The following IKZF1 variants were observed in gnomAD, a reference collection of about 807,000 sequenced individuals.
IKZF1 encodes DNA-binding protein Ikaros.
Under a neutral mutation model 51.7 loss-of-function variants are expected in IKZF1, and 10 were observed. That is an observed-to-expected ratio of 0.19 (90% CI 0.12 to 0.33). The LOEUF (loss-of-function observed/expected upper bound fraction) is 0.33. Ranked by LOEUF, IKZF1 falls within the 10% of genes least tolerant of loss-of-function variation. The pLI is 1.00. For missense variants in IKZF1, 484 were observed against 707.5 expected (o/e 0.68, Z 3.58); for synonymous variants, 280 against 282.3 (o/e 0.99, Z 0.08).
chr7:50,377,659 C>T (rs112620089), intron 4 of IKZF1, among the ~76,000 whole-genome samples: 9 of 152,356 alleles, frequency 5.9e-5, no homozygotes, highest in African/African-American at 2.2e-4. Context: ...AACCACCACT[C>T]ATGGTGCTGG....
At chr7:50,369,479 C>G (rs1807999063) in intron 3 of IKZF1, 1 of 398,492 alleles carries the variant, frequency 2.5e-6, no homozygotes, top group South Asian at 1.3e-4. Flanking sequence ...GCAAATGTGT[C>G]CATAAGGTAT....
chr7:50,346,275 C>T (rs147751374), intron 3 of IKZF1, among the ~76,000 whole-genome samples: 1 of 152,304 alleles, frequency 6.6e-6, no homozygotes, highest in East Asian at 1.9e-4. Flanking sequence ...TCCTAAGCAT[C>T]CTTAACAGGT....
chr7:50,311,541 A>G (rs1237137585), intron 1 of IKZF1, among the ~76,000 whole-genome samples: 7 of 152,240 alleles, frequency 4.6e-5, no homozygotes, highest in Admixed American at 4.6e-4. Flanking sequence ...GTTCTTGTGA[A>G]GATCTAAATA....
chr7:50,354,173 G>A (rs1802616616), intron 3 of IKZF1, among the ~76,000 whole-genome samples: 1 of 152,318 alleles, frequency 6.6e-6, no homozygotes, highest in East Asian at 1.9e-4. Context: ...TGCAGCCTAG[G>A]CACCCTCCAC....
chr7:50,380,407 C>T (rs555270460), intron 4 of IKZF1, among the ~76,000 whole-genome samples: 169 of 152,320 alleles, frequency 1.1e-3, no homozygotes, highest in Middle Eastern at 3.4e-3. Context: ...TTTCTGTCTG[C>T]GATGGGCAGA....
rs1804565184 is a variant in IKZF1, at chr7:50,359,465, G to A, written c.161-17068G>A. ...GGGAATGTGCGCAGAGTGAGGAGGA[G>A]CTGATCTGACATTCCGAACAGTGGA... On this transcript the variant is annotated intron_variant, in intron 3 of 7. Coordinates refer to ENST00000331340, the MANE Select transcript of IKZF1 (RefSeq NM_006060.6). Among the ~76,000 whole-genome samples the A allele has an allele frequency of 2.6e-5, 4 of 152,214 alleles. No individual in the cohort carries two copies. The South Asian group carries it at 6.2e-4, about 24-fold the overall frequency.
intron 3 of IKZF1, among the ~76,000 whole-genome samples, chr7:50,357,807 G>A (rs767139598): frequency 8.5e-5 from 13 of 152,212 alleles, no homozygotes; most frequent in Non-Finnish European, 1.6e-4. Context: ...CGGAGTGGGA[G>A]GGAGGCAACG....
chr7:50,393,575 T>C (rs970077714), intron 7 of IKZF1, among the ~76,000 whole-genome samples: 19 of 152,112 alleles, frequency 1.2e-4, no homozygotes, highest in African/African-American at 4.1e-4. Context: ...AGAGAAGGAT[T>C]CAGTGTACAA....
intron 2 of IKZF1, among the ~76,000 whole-genome samples, chr7:50,323,308 C>A (rs1411975746): frequency 6.6e-6 from 1 of 152,104 alleles, no homozygotes; most frequent in East Asian, 1.9e-4. Flanking sequence ...CCACTTGGAC[C>A]CTAGAGTGGA....
upstream of IKZF1, chr7:50,304,270 G>A (rs1257622683): frequency 7.3e-5 from 11 of 149,940 alleles, no homozygotes; most frequent in Admixed American, 6.6e-4. Flanking sequence ...GGCGGGGACG[G>A]GACGACGCAC....
At chr7:50,309,207 C>T (rs746801655) in intron 1 of IKZF1, among the ~76,000 whole-genome samples, 15 of 152,312 alleles carry the variant, frequency 9.8e-5, no homozygotes, top group African/African-American at 1.9e-4. Context: ...TTTTCTCACT[C>T]GAGTGTGCAG....
At chr7:50,396,248 ATTTC>A (rs1440964871) in intron 7 of IKZF1, among the ~76,000 whole-genome samples, 1 of 151,330 alleles carries the variant, frequency 6.6e-6, no homozygotes, top group African/African-American at 2.4e-5. Flanking sequence ...TTTTTTGTTT[ATTTC>A]TTTGTCTATT....
At chr7:50,396,072 A>C (rs1816622259) in intron 7 of IKZF1, among the ~76,000 whole-genome samples, 2 of 152,308 alleles carry the variant, frequency 1.3e-5, no homozygotes, top group South Asian at 4.1e-4. Context: ...GGAATAAAAA[A>C]TTCCTGCCAT....
intron 7 of IKZF1, among the ~76,000 whole-genome samples, chr7:50,398,194 T>C (rs1429033690): frequency 6.6e-6 from 1 of 152,258 alleles, no homozygotes; most frequent in Non-Finnish European, 1.5e-5. Flanking sequence ...AACCTGCACA[T>C]TGGGGAAGTT....
At chr7:50,378,610 C>T (rs1810969590) in intron 4 of IKZF1, among the ~76,000 whole-genome samples, 1 of 152,174 alleles carries the variant, frequency 6.6e-6, no homozygotes, top group African/African-American at 2.4e-5. Context: ...ATAATGACTG[C>T]CTGCCTTGAT....
At chr7:50,332,548 C>T (rs1796644826) in intron 3 of IKZF1, among the ~76,000 whole-genome samples, 1 of 152,056 alleles carries the variant, frequency 6.6e-6, no homozygotes, top group East Asian at 1.9e-4. Context: ...GGGATGGCCA[C>T]CCCTGAGAAA....
intron 4 of IKZF1, among the ~76,000 whole-genome samples, chr7:50,380,931 C>G (rs901962542): frequency 2.0e-5 from 3 of 152,180 alleles, no homozygotes; most frequent in Non-Finnish European, 4.4e-5. Context: ...GTTTGTTTCA[C>G]CATCACCTTC....
chr7:50,368,225 A>T, intron 3 of IKZF1: 1 of 703,280 alleles, frequency 1.4e-6, no homozygotes, highest in Non-Finnish European at 2.6e-6. Flanking sequence ...TATTTATACC[A>T]TAAAGTGCAA....
rs2153517588 is a variant in IKZF1 at position 50,399,965 on chromosome 7, G to A, written c.898G>A (p.Glu300Lys). 2.5e-6 allele frequency: 4 copies of A among 1,613,514 alleles called. No homozygotes were observed. Among genetic ancestry groups the A allele is most frequent in the Non-Finnish European group, 2.5e-6 (3 of 1,179,768 alleles). The change falls in exon 8 of 8, where the codon GAG becomes AAG. Residue 300 changes from glutamate to lysine, a missense_variant. Physicochemically the swap from Glu to Lys is moderately conservative, Grantham distance 56. This residue lies in a region of IKZF1 where 172 missense variants were observed against 192.7 expected (regional missense o/e 0.89). Coordinates refer to ENST00000331340, the MANE Select transcript of IKZF1 (RefSeq NM_006060.6). Reference protein sequence around the residue: ...DTPYDSSASYEKENEMMKSHV... With the variant: ...DTPYDSSASYKKENEMMKSHV... ...GCCCTACGACAGCAGCGCCAGCTAC[G>A]AGAAGGAGAACGAAATGATGAAGTC...
Sources: gnomAD v4.1 joint callset for allele counts (sites outside exome capture counted in the v4.1 genomes callset) on GRCh38, gnomAD v4.1.1 for gene constraint, gnomAD v4.1.1 regional missense constraint, MANE v1.5 for transcripts, NCBI Gene and HGNC (gene_info 2026-07-23, HGNC 2026-07-21) for gene names.